Variants in GNAO1 observed in about 807,000 individuals in gnomAD.
GNAO1 encodes guanine nucleotide-binding protein G(o) subunit alpha.
For missense variants in GNAO1, 166 were observed against 478.7 expected (o/e 0.35, Z 6.10); for synonymous variants, 164 against 180.7 (o/e 0.91, Z 0.74).
intron 2 of GNAO1, among the ~76,000 whole-genome samples, chr16:56,260,311 G>A (rs1443674149): frequency 6.6e-6 from 1 of 152,196 alleles, no homozygotes; most frequent in East Asian, 1.9e-4. Context: ...CCAGATGAGA[G>A]TCTGAGAGAG....
intron 2 of GNAO1, among the ~76,000 whole-genome samples, chr16:56,224,390 A>G (rs77062238): frequency 0.05 from 7,572 of 152,232 alleles, 214 homozygotes; most frequent in Middle Eastern, 0.071. Flanking sequence ...TAGCAGCCAG[A>G]TAGATGCCCA....
chr16:56,250,474 G>T (rs1321269039), intron 2 of GNAO1, among the ~76,000 whole-genome samples: 2 of 152,178 alleles, frequency 1.3e-5, no homozygotes, highest in South Asian at 2.1e-4. Context: ...AGGTTTAGTT[G>T]GGTGGCTCTT....
intron 2 of GNAO1, among the ~76,000 whole-genome samples, chr16:56,272,444 G>A (rs897219753): frequency 4.6e-5 from 7 of 152,170 alleles, no homozygotes; most frequent in African/African-American, 1.7e-4. Flanking sequence ...CCTAATATAA[G>A]CCAGTTTGAA....
At chr16:56,292,623 A>G (rs964125271) in intron 3 of GNAO1, among the ~76,000 whole-genome samples, 6 of 152,118 alleles carry the variant, frequency 3.9e-5, no homozygotes, top group Admixed American at 3.9e-4. Context: ...CAGCCTCCCA[A>G]AGTGCTGGGA....
intron 8 of GNAO1, 71 bp from the exon 9 acceptor site, chr16:56,356,032 T>TTTGG (rs1201017068): frequency 3.9e-5 from 6 of 152,492 alleles, no homozygotes; most frequent in East Asian, 1.9e-4. Context: ...TCTAGGGTTT[T>TTTGG]TTGGTTGGTT....
intron 2 of GNAO1, among the ~76,000 whole-genome samples, chr16:56,255,822 A>G (rs568102895): frequency 1.2e-4 from 18 of 152,252 alleles, no homozygotes; most frequent in South Asian, 4.1e-4. Flanking sequence ...TATAAATTAT[A>G]TATCTATATT....
intron 2 of GNAO1, among the ~76,000 whole-genome samples, chr16:56,214,571 T>A (rs1418551031): frequency 6.6e-6 from 1 of 152,242 alleles, no homozygotes; most frequent in African/African-American, 2.4e-5. Context: ...AGGACGTTTT[T>A]AAAAAGACAC....
intron 3 of GNAO1, among the ~76,000 whole-genome samples, chr16:56,282,544 C>A (rs1175481511): frequency 6.6e-6 from 1 of 152,174 alleles, no homozygotes; most frequent in Non-Finnish European, 1.5e-5. Flanking sequence ...TGAACCTGTG[C>A]CATAAAGCCA....
intron 6 of GNAO1, chr16:56,344,823 C>T (rs2037847046): frequency 4.1e-6 from 4 of 985,364 alleles, no homozygotes; most frequent in Non-Finnish European, 2.4e-6. Flanking sequence ...CTTCAGTCCA[C>T]ACTGAATTCA....
At chr16:56,255,492 A>G (rs573403406) in intron 2 of GNAO1, 2 of 152,278 alleles carry the variant, frequency 1.3e-5, no homozygotes, top group South Asian at 2.1e-4. Flanking sequence ...GAGAAGTTCA[A>G]TGTCAGTCTT....
At chr16:56,338,812 T>C (rs1303998151) in intron 6 of GNAO1, among the ~76,000 whole-genome samples, 2 of 149,540 alleles carry the variant, frequency 1.3e-5, no homozygotes, top group Non-Finnish European at 3.0e-5. Flanking sequence ...AGCATGAGCC[T>C]GGTGCTGGGC....
intron 6 of GNAO1, among the ~76,000 whole-genome samples, chr16:56,342,910 C>T (rs1339486260): frequency 3.3e-5 from 5 of 151,926 alleles, no homozygotes; most frequent in South Asian, 2.1e-4. Flanking sequence ...GTCAGGAGTT[C>T]GAGAACAGCC....
At chr16:56,259,766 T>C (rs553042494) in intron 2 of GNAO1, among the ~76,000 whole-genome samples, 1 of 152,222 alleles carries the variant, frequency 6.6e-6, no homozygotes, top group Non-Finnish European at 1.5e-5. Context: ...GGTAAGAGTT[T>C]ATGACTCAGG....
At chr16:56,237,560 A>G (rs1359883112) in intron 2 of GNAO1, among the ~76,000 whole-genome samples, 1 of 152,208 alleles carries the variant, frequency 6.6e-6, no homozygotes, top group African/African-American at 2.4e-5. Flanking sequence ...ATTTAACTCT[A>G]GGGGAAAAAC....
intron 3 of GNAO1, among the ~76,000 whole-genome samples, chr16:56,312,978 G>A (rs1386615721): frequency 6.6e-6 from 1 of 152,188 alleles, no homozygotes; most frequent in East Asian, 1.9e-4. Flanking sequence ...AGAGAGCAAG[G>A]CCTCAAGCCC....
intron 3 of GNAO1, among the ~76,000 whole-genome samples, chr16:56,304,822 G>A (rs1249002403): frequency 1.3e-5 from 2 of 152,228 alleles, no homozygotes; most frequent in Non-Finnish European, 2.9e-5. Context: ...TGGTGGCCTG[G>A]CCCATGCCTA....
At chr16:56,336,668 T>C in intron 5 of GNAO1, 63 bp from the exon 6 acceptor site, 1 of 1,506,418 alleles carries the variant, frequency 6.6e-7, no homozygotes, top group Non-Finnish European at 8.9e-7. Context: ...TGCTCACAGC[T>C]TAATCCCCAG....
chr16:56,348,166 C>T (rs1375890900), intron 6 of GNAO1: 4 of 979,352 alleles, frequency 4.1e-6, no homozygotes, highest in Non-Finnish European at 4.9e-6. Flanking sequence ...ATTTATTAGT[C>T]GCCTACCGTT....
chr16:56,192,084 G>A lies in GNAO1; in HGVS notation c.-152G>A, dbSNP rs1256856533. 1 of 603,198 alleles carries A rather than the reference G, an allele frequency of 1.7e-6. No homozygotes were observed. The highest frequency in any genetic ancestry group is 2.9e-6 in the Non-Finnish European group (1 of 339,082). The allele number at this position is 603,198 out of a possible 1,614,324, so 37.4% of individuals were successfully genotyped here. A position where few individuals can be genotyped will look rare whatever the true frequency, so the allele number is the denominator to read the frequency against. On this transcript the variant is annotated 5_prime_UTR_variant, in exon 1 of 9. Transcript: ENST00000262493. ...GCGGCTGTCTTTTTGGAGGGTTCTG[G>A]TTTCCCGACATTTTTGTTTCCAGCC...
Sources: gnomAD v4.1 joint callset for allele counts (sites outside exome capture counted in the v4.1 genomes callset) on GRCh38, gnomAD v4.1.1 for gene constraint, MANE v1.5 for transcripts, NCBI Gene and HGNC (gene_info 2026-07-23, HGNC 2026-07-21) for gene names.